LAMA2: variants seen among roughly 807,000 people sequenced by gnomAD.
LAMA2 encodes laminin subunit alpha-2.
LAMA2 carries 269 observed loss-of-function variants against 364.8 expected under a neutral mutation model. That is an observed-to-expected ratio of 0.74 (90% CI 0.67 to 0.82). LAMA2 has a LOEUF of 0.82. LAMA2 is among the 40% of genes least tolerant of loss of function. The pLI, the probability that LAMA2 is intolerant of heterozygous loss-of-function variation, is 0.00. For missense variants in LAMA2, 3,807 were observed against 3,873.2 expected, an observed-to-expected ratio of 0.98 and a Z score of 0.45; for synonymous variants, 1,379 against 1,370.6, an observed-to-expected ratio of 1.01 and a Z score of -0.14.
At chr6:129,164,807 G>C (rs925724171) in intron 8 of LAMA2, among the ~76,000 whole-genome samples, 3 of 152,102 alleles carry the variant, frequency 2.0e-5, no homozygotes, top group African/African-American at 4.8e-5. Flanking sequence ...GTATTGTTAT[G>C]CAAATTTTGT....
chr6:129,475,601 G>A (rs1428371856), intron 53 of LAMA2, among the ~76,000 whole-genome samples, 200 bp downstream of exon 53: 2 of 151,698 alleles, frequency 1.3e-5, no homozygotes, highest in African/African-American at 4.8e-5. Context: ...CCCACCATCA[G>A]TTGGGCTGCA....
chr6:129,105,049 A>C (rs1427407899), intron 4 of LAMA2, among the ~76,000 whole-genome samples: 3 of 152,168 alleles, frequency 2.0e-5, no homozygotes, highest in African/African-American at 7.2e-5. Flanking sequence ...AAAAGCCTTA[A>C]AACAGTTTTA....
chr6:129,169,828 C>T (rs1471391041), intron 9 of LAMA2, among the ~76,000 whole-genome samples: 2 of 143,542 alleles, frequency 1.4e-5, no homozygotes, highest in African/African-American at 5.4e-5. Flanking sequence ...TGATTATTGC[C>T]ACAATTTCAG....
chr6:129,498,708 A>G (rs1293915089), intron 58 of LAMA2, among the ~76,000 whole-genome samples: 1 of 152,158 alleles, frequency 6.6e-6, no homozygotes, highest in African/African-American at 2.4e-5. Flanking sequence ...AAATTATGCA[A>G]TTTCTATGAT....
chr6:129,268,732 A>G (rs2114350268), intron 16 of LAMA2, among the ~76,000 whole-genome samples: 1 of 152,202 alleles, frequency 6.6e-6, no homozygotes, highest in Non-Finnish European at 1.5e-5. Flanking sequence ...GTCTCCTTCA[A>G]ATAACAGAGC....
At chr6:129,089,068 T>A (rs1467163453) in intron 3 of LAMA2, among the ~76,000 whole-genome samples, 6 of 152,202 alleles carry the variant, frequency 3.9e-5, no homozygotes, top group Non-Finnish European at 1.5e-5. Context: ...TCTCGGCACC[T>A]CGGGAGGCCG....
At chr6:129,487,197 T>A (rs889091376) in intron 56 of LAMA2, among the ~76,000 whole-genome samples, 3 of 152,222 alleles carry the variant, frequency 2.0e-5, no homozygotes, top group Non-Finnish European at 4.4e-5. Flanking sequence ...AAATGACTGC[T>A]GCCCTGAGCC....
At chr6:129,367,507 T>TG (rs2114622704) in intron 33 of LAMA2, among the ~76,000 whole-genome samples, 1 of 152,328 alleles carries the variant, frequency 6.6e-6, no homozygotes, top group Admixed American at 6.5e-5. Flanking sequence ...AACCAGAGAA[T>TG]GTACCATTAC....
chr6:129,260,743 C>G lies in LAMA2; in HGVS notation c.2129C>G (p.Ser710Cys). 1 of 1,612,670 alleles carries G rather than the reference C, an allele frequency of 6.2e-7. No homozygotes were observed. The highest frequency in any genetic ancestry group is 8.5e-7 in the Non-Finnish European group (1 of 1,178,826). ...LSSVNLESAV[S>C]YPTDGSIAAA... is the part of the protein sequence containing the mutation. ...TCTGTTAACCTTGAATCCGCTGTCT[C>G]CTATCCTACTGATGGAAGCATTGCA... The change falls in exon 15 of 65, where the codon TCC (serine) becomes TGC (cysteine). Residue 710 changes from serine (S) to cysteine (C), a missense_variant. Transcript: ENST00000421865.
intron 12 of LAMA2, among the ~76,000 whole-genome samples, chr6:129,241,778 A>G (rs1320407668): frequency 1.3e-5 from 2 of 152,124 alleles, no homozygotes; most frequent in Non-Finnish European, 2.9e-5. Context: ...GTATTTTATT[A>G]CCCTGTTGAT....
chr6:129,061,747 A>G (rs1390917214), intron 3 of LAMA2, among the ~76,000 whole-genome samples: 1 of 152,212 alleles, frequency 6.6e-6, no homozygotes, highest in African/African-American at 2.4e-5. Flanking sequence ...CATTCATCAT[A>G]ACAAAGTGCC....
intron 1 of LAMA2, among the ~76,000 whole-genome samples, chr6:128,991,371 G>A (rs1367365692): frequency 2.0e-5 from 3 of 151,922 alleles, no homozygotes; most frequent in African/African-American, 7.3e-5. Context: ...GCCATTTTTT[G>A]GTACAGCCAG....
At chr6:129,065,830 G>A (rs936700867) in intron 3 of LAMA2, among the ~76,000 whole-genome samples, 2 of 151,964 alleles carry the variant, frequency 1.3e-5, no homozygotes, top group Admixed American at 6.6e-5. Flanking sequence ...CCCCCATGCT[G>A]TTGTCGTGGT....
intron 3 of LAMA2, among the ~76,000 whole-genome samples, chr6:129,062,546 G>C (rs545852805): frequency 6.6e-6 from 1 of 152,216 alleles, no homozygotes; most frequent in South Asian, 2.1e-4. Context: ...TTATAAAGCA[G>C]GGGACTAGAA....
chr6:129,309,934 C>G (rs1371723255), intron 22 of LAMA2, among the ~76,000 whole-genome samples: 5 of 142,636 alleles, frequency 3.5e-5, no homozygotes, highest in Non-Finnish European at 7.4e-5. Flanking sequence ...GAGTCTCGCT[C>G]TGTCACCCAG....
intron 1 of LAMA2, among the ~76,000 whole-genome samples, chr6:128,912,818 A>G (rs1051315981): frequency 2.0e-5 from 3 of 152,330 alleles, no homozygotes; most frequent in Middle Eastern, 3.4e-3. Flanking sequence ...AAACATTTCC[A>G]TCTAACAGGA....
In LAMA2 at chr6:129,383,075, C is replaced by A. The variant is rs369543342; in HGVS notation, c.4960-47C>A. On this transcript the variant is annotated intron_variant, in intron 34 of 64. Coordinates refer to ENST00000421865, the MANE Select transcript of LAMA2 (RefSeq NM_000426.4). Reference sequence around the variant, plus strand: ...CCAGTGGGAGCTTATCTAGCTGTAGCTTCATCATCTCTATTAATTATGTGT... The same window carrying A: ...CCAGTGGGAGCTTATCTAGCTGTAGATTCATCATCTCTATTAATTATGTGT... 109 of 1,471,556 alleles carry A rather than the reference C, an allele frequency of 7.4e-5. No individual in the cohort carries two copies. In the African/African-American group the frequency reaches 1.4e-3, roughly 18 times the overall value. The allele number at this position is 1,471,556 out of a possible 1,614,324, so 91.2% of individuals were successfully genotyped here.
chr6:129,340,955 T>C (rs191658318), intron 29 of LAMA2, among the ~76,000 whole-genome samples: 2 of 152,140 alleles, frequency 1.3e-5, no homozygotes, highest in Admixed American at 1.3e-4. Flanking sequence ...CACAATATAA[T>C]TTCAAATATA....
chr6:128,928,989 G>C (rs1485944664), intron 1 of LAMA2: 1 of 1,211,172 alleles, frequency 8.3e-7, no homozygotes, highest in Non-Finnish European at 1.2e-6. Flanking sequence ...CAGCTCAGAA[G>C]GAGCAGAAGG....
Sources: gnomAD v4.1 joint callset for allele counts (sites outside exome capture counted in the v4.1 genomes callset) on GRCh38, gnomAD v4.1.1 for gene constraint, MANE v1.5 for transcripts, NCBI Gene and HGNC (gene_info 2026-07-23, HGNC 2026-07-21) for gene names.